The following KLF11 variants were observed in gnomAD, a reference collection of about 807,000 sequenced individuals.
The protein encoded by KLF11 is KLF transcription factor 11.
Under a neutral mutation model 29.9 loss-of-function variants are expected in KLF11, and 26 were observed. That is an observed-to-expected ratio of 0.87 (90% CI 0.64 to 1.21). KLF11 has a LOEUF of 1.21. Among genes scored for constraint, KLF11 ranks in the 50% most tolerant of loss-of-function variants. KLF11 has a pLI of 0.00. For synonymous variants in KLF11, 318 were observed against 257.4 expected (o/e 1.24, Z -2.25); for missense variants, 778 against 665.7 (o/e 1.17, Z -1.86).
chr2:10,044,970 A>G (rs1661143882), intron 1 of KLF11, among the ~76,000 whole-genome samples: 1 of 152,128 alleles, frequency 6.6e-6, no homozygotes, highest in Admixed American at 6.5e-5. Flanking sequence ...ACATGGGGAA[A>G]ACCGCTCTCT....
In KLF11 at chr2:10,053,807, A is replaced by G. The variant is rs1661480907; in HGVS notation, c.*1300A>G. The G allele has an allele frequency of 5.9e-6, 1 of 169,658 alleles. No homozygotes were observed. The highest frequency in any genetic ancestry group is 2.4e-5 in the African/African-American group (1 of 42,218). The allele number at this position is 169,658 out of a possible 1,614,324, so 10.5% of individuals were successfully genotyped here. A position where few individuals can be genotyped will look rare whatever the true frequency, so the allele number is the denominator to read the frequency against. ...CACCTGTGTTCAAGAAGCCACTGAT[A>G]CTGGTTTTTGTTAAACATTGGAAGT... is the stretch of plus-strand genomic sequence containing the variant. On this transcript the variant is annotated 3_prime_UTR_variant, in exon 4 of 4. Transcript: ENST00000305883.
Position 10,048,557 on chromosome 2 carries a change from A to G in KLF11, c.1220A>G (p.Lys407Arg). Residue 407 changes from lysine (K) to arginine (R), a missense_variant, in exon 3 of 4, where the codon AAA (lysine) becomes AGA (arginine). By Grantham distance (26) the Lys-to-Arg change is conservative. Transcript: ENST00000305883. ...CCAGGTTGCCGGAAGACCTACTTCAAAAGTTCCCACCTTAAGGCCCATCTT... is the reference window on the plus strand; with the variant it reads ...CCAGGTTGCCGGAAGACCTACTTCAGAAGTTCCCACCTTAAGGCCCATCTT... ...SFPGCRKTYF[K>R]SSHLKAHLRT... is the part of the protein sequence containing the mutation. 2 of 1,608,086 alleles carry G rather than the reference A, an allele frequency of 1.2e-6. No homozygotes were observed. Among genetic ancestry groups the G allele is most frequent in the African/African-American group, 2.7e-5 (2 of 75,060 alleles).
chr2:10,047,579 GGA>G (rs1192379735), intron 2 of KLF11, 69 bp from the exon 3 acceptor site: 5 of 1,247,730 alleles, frequency 4.0e-6, no homozygotes, highest in Non-Finnish European at 5.8e-6. Context: ...AAAGGTATTG[GGA>G]GCATTGTGAT....
chr2:10,054,803 C>T lies in KLF11; in HGVS notation c.*2296C>T, dbSNP rs1268146564. 6.6e-6 allele frequency: 1 copy of T among 152,418 alleles called. No individual in the cohort carries two copies. The highest frequency in any genetic ancestry group is 1.5e-5 in the Non-Finnish European group (1 of 68,044). The allele number at this position is 152,418 out of a possible 1,614,324, so 9.4% of individuals were successfully genotyped here. ...AACGAGCATGTGTAATGTAACTTTTCTCTTTGAATCATATAAAACTTGATT... is the reference window on the plus strand; with the variant it reads ...AACGAGCATGTGTAATGTAACTTTTTTCTTTGAATCATATAAAACTTGATT... On this transcript the variant is annotated 3_prime_UTR_variant, in exon 4 of 4. Coordinates refer to ENST00000305883, the MANE Select transcript of KLF11 (RefSeq NM_003597.5).
chr2:10,047,546 T>C, intron 2 of KLF11, 104 bp from the exon 3 acceptor site: 1 of 1,002,468 alleles, frequency 1.0e-6, no homozygotes, highest in Non-Finnish European at 1.5e-6. Context: ...CAGGGTTAAC[T>C]GAGTGTCTAG....
intron 1 of KLF11, 127 bp downstream of exon 1, chr2:10,043,885 C>T: frequency 9.3e-7 from 1 of 1,077,450 alleles, no homozygotes; most frequent in Non-Finnish European, 1.1e-6. Context: ...TGCGGCCGCG[C>T]CGGTAGGGGC....
Position 10,048,266 on chromosome 2 carries a change from C to T in KLF11, c.929C>T (p.Ser310Phe), listed in dbSNP as rs767278357. ...TTTTTGAAGCCCCCTCCCCAGTTGT[C>T]TGTGGGGACTGTGAGACCCATCCTA... ...PAFLKPPPQL[S>F]VGTVRPILAQ... The change falls in exon 3 of 4, where the codon TCT (serine) becomes TTT (phenylalanine). Residue 310 changes from serine (S) to phenylalanine (F), a missense_variant. By Grantham distance (155) the Ser-to-Phe change is radical. Transcript: ENST00000305883. 2.0e-5 allele frequency: 32 copies of T among 1,607,848 alleles called. No individual in the cohort carries two copies. In the Middle Eastern group the frequency reaches 5.0e-4, roughly 25 times the overall value.
At chr2:10,044,524 G>T (rs1299557011) in intron 1 of KLF11, 3 of 810,700 alleles carry the variant, frequency 3.7e-6, no homozygotes, top group African/African-American at 1.9e-5. Context: ...GACAGAGGCC[G>T]GGGATTTGAG....
rs1377496523 is a variant in KLF11, at chr2:10,052,893, T to C, written c.*386T>C. 3 of 319,418 alleles carry C rather than the reference T, an allele frequency of 9.4e-6. No individual in the cohort carries two copies. Among genetic ancestry groups the C allele is most frequent in the Middle Eastern group, 8.4e-4 (1 of 1,194 alleles). 19.8% of individuals were successfully genotyped at this position (319,418 alleles called of 1,614,324 possible). A position where few individuals can be genotyped will look rare whatever the true frequency, so the allele number is the denominator to read the frequency against. ...TTTTATACTGGTTTTTAGAAAAATA[T>C]TTATATTGTTGGTGCTCAAATCACC... is the stretch of plus-strand genomic sequence containing the variant. On this transcript the variant is annotated 3_prime_UTR_variant, in exon 4 of 4. Coordinates refer to ENST00000305883, the MANE Select transcript of KLF11 (RefSeq NM_003597.5).
intron 1 of KLF11, 197 bp downstream of exon 1, chr2:10,043,955 G>T: frequency 2.1e-6 from 2 of 934,280 alleles, no homozygotes; most frequent in Non-Finnish European, 1.3e-6. Context: ...CGGGTCGGCG[G>T]GGGCGAGGAG....
In KLF11 at chr2:10,048,051, T is replaced by G; in HGVS notation, c.714T>G (p.Ser238=). The G allele has an allele frequency of 6.2e-7, 1 of 1,614,210 alleles. No homozygotes were observed. Among genetic ancestry groups the G allele is most frequent in the Non-Finnish European group, 8.5e-7 (1 of 1,180,030 alleles). The change falls in exon 3 of 4, where the codon TCT becomes TCG. Residue 238 remains serine, a synonymous_variant. Coordinates refer to ENST00000305883, the MANE Select transcript of KLF11 (RefSeq NM_003597.5). The part of the protein sequence containing the change: ...LVSCQPCLHK[S]GGLLLTDKGQ... ...CCTGTCAGCCCTGCTTGCACAAGTCTGGTGGCCTGCTGCTCACTGACAAAG... is the reference window on the plus strand; with the variant it reads ...CCTGTCAGCCCTGCTTGCACAAGTCGGGTGGCCTGCTGCTCACTGACAAAG...
Position 10,043,615 on chromosome 2 carries a change from C to G in KLF11, c.-102C>G. On this transcript the variant is annotated 5_prime_UTR_variant, in exon 1 of 4. Transcript: ENST00000305883. Reference sequence around the variant, plus strand: ...GAGGCGCGTGCCGGCCGCAGGAGCTCCGGGTTGCCGCCGCCGCCGCCGCCC... The same window carrying G: ...GAGGCGCGTGCCGGCCGCAGGAGCTGCGGGTTGCCGCCGCCGCCGCCGCCC... 1.2e-6 allele frequency: 1 copy of G among 827,148 alleles called. No individual in the cohort carries two copies. Among genetic ancestry groups the G allele is most frequent in the South Asian group, 4.8e-5 (1 of 20,914 alleles). The allele number at this position is 827,148 out of a possible 1,614,324, so 51.2% of individuals were successfully genotyped here.
chr2:10,050,146 C>T lies in KLF11; in HGVS notation c.1258+1551C>T, dbSNP rs566758318. The stretch of plus-strand genomic sequence containing the variant: ...ATAACAGGCCTTGTACAGGGGCTCA[C>T]GCCTGTCATCCCAGCACTTTGGGAG... On this transcript the variant is annotated intron_variant, in intron 3 of 3. Transcript: ENST00000305883. Among the ~76,000 whole-genome samples, 43 of 152,338 alleles carry T rather than the reference C, an allele frequency of 2.8e-4. 1 individual carries two copies. Among genetic ancestry groups the T allele is most frequent in the East Asian group, 2.1e-3 (11 of 5,190 alleles).
chr2:10,049,206 G>C (rs1322063150), intron 3 of KLF11, among the ~76,000 whole-genome samples: 1 of 152,234 alleles, frequency 6.6e-6, no homozygotes, highest in African/African-American at 2.4e-5. Flanking sequence ...CATTAGGGTA[G>C]CCACTGGCTG....
chr2:10,051,643 A>G (rs1038626001), intron 3 of KLF11, among the ~76,000 whole-genome samples: 6 of 151,550 alleles, frequency 4.0e-5, no homozygotes, highest in Non-Finnish European at 7.4e-5. Context: ...TTAGCCTCCC[A>G]AGTAGCTGGG....
intron 2 of KLF11, 71 bp from the exon 3 acceptor site, chr2:10,047,579 G>A: frequency 8.0e-7 from 1 of 1,247,848 alleles, no homozygotes; most frequent in Non-Finnish European, 1.2e-6. Context: ...AAAGGTATTG[G>A]GAGCATTGTG....
intron 3 of KLF11, 120 bp downstream of exon 3, chr2:10,048,715 C>G: frequency 1.3e-6 from 1 of 782,324 alleles, no homozygotes; most frequent in Non-Finnish European, 2.2e-6. Flanking sequence ...GGAAGTGTGG[C>G]TTTTTCTTTG....
chr2:10,043,732 T>A lies in KLF11; in HGVS notation c.16T>A (p.Phe6Ile). Residue 6 changes from phenylalanine (F) to isoleucine (I), a missense_variant, in exon 1 of 4, where the codon TTC becomes ATC. Phe to Ile is a conservative substitution (Grantham distance 21). Coordinates refer to ENST00000305883, the MANE Select transcript of KLF11 (RefSeq NM_003597.5). The stretch of plus-strand genomic sequence containing the variant: ...GGCCTGCACGATGCACACGCCGGAC[T>A]TCGCAGGCCCAGACGACGCGCGCGC... Reference protein sequence around the residue: MHTPDFAGPDDARAVD... With the variant: MHTPDIAGPDDARAVD... The A allele has an allele frequency of 7.3e-7, 1 of 1,374,748 alleles. No individual in the cohort carries two copies. Among genetic ancestry groups the A allele is most frequent in the Non-Finnish European group, 9.5e-7 (1 of 1,048,684 alleles). The allele number at this position is 1,374,748 out of a possible 1,614,324, so 85.2% of individuals were successfully genotyped here. A position where few individuals can be genotyped will look rare whatever the true frequency, so the allele number is the denominator to read the frequency against.
In KLF11 at chr2:10,053,462, T is replaced by C. The variant is rs1457670864; in HGVS notation, c.*955T>C. On this transcript the variant is annotated 3_prime_UTR_variant, in exon 4 of 4. Transcript: ENST00000305883. The stretch of plus-strand genomic sequence containing the variant: ...ACTATATTGTGGGTAGAGTAACTTC[T>C]CAGAAAAAAAGGAAATGTCTGTATT... 3 of 398,518 alleles carry C rather than the reference T, an allele frequency of 7.5e-6. No individual in the cohort carries two copies. Among genetic ancestry groups the C allele is most frequent in the Non-Finnish European group, 1.3e-5 (3 of 226,062 alleles). 24.7% of individuals were successfully genotyped at this position (398,518 alleles called of 1,614,324 possible). A position where few individuals can be genotyped will look rare whatever the true frequency, so the allele number is the denominator to read the frequency against.
Sources: gnomAD v4.1 joint callset for allele counts (sites outside exome capture counted in the v4.1 genomes callset) on GRCh38, gnomAD v4.1.1 for gene constraint, MANE v1.5 for transcripts, NCBI Gene and HGNC (gene_info 2026-07-23, HGNC 2026-07-21) for gene names.